PPP2R3A: variants seen among roughly 807,000 people sequenced by gnomAD.
PPP2R3A encodes serine/threonine-protein phosphatase 2A regulatory subunit B'' subunit alpha.
In PPP2R3A, 80 loss-of-function variants were observed where a neutral mutation model predicts 106.9. The observed-to-expected ratio is 0.75, with a 90% CI of 0.62 to 0.90. PPP2R3A has a LOEUF of 0.90. PPP2R3A is among the 40% of genes least tolerant of loss of function. PPP2R3A has a pLI of 0.00. For synonymous variants in PPP2R3A, 483 were observed against 468.3 expected, an observed-to-expected ratio of 1.03 and a Z score of -0.41; for missense variants, 1,386 against 1,350.4, an observed-to-expected ratio of 1.03 and a Z score of -0.41.
At chr3:136,139,830 C>A (rs1938784010) in intron 13 of PPP2R3A, among the ~76,000 whole-genome samples, 2 of 151,110 alleles carry the variant, frequency 1.3e-5, no homozygotes, top group South Asian at 2.1e-4. Flanking sequence ...ATGGTGAAAA[C>A]CCTATCTCTA....
intron 1 of PPP2R3A, among the ~76,000 whole-genome samples, chr3:135,971,957 A>G (rs973190363): frequency 6.6e-6 from 1 of 152,212 alleles, no homozygotes; most frequent in Non-Finnish European, 1.5e-5. Flanking sequence ...GGATTTGTCA[A>G]GGGTGAACTG....
rs995308451 is a variant in PPP2R3A at position 136,026,913 on chromosome 3, C to T, written c.2077C>T (p.Pro693Ser). The T allele has an allele frequency of 1.2e-6, 2 of 1,613,512 alleles. No individual in the cohort carries two copies. Among genetic ancestry groups the T allele is most frequent in the East Asian group, 4.5e-5 (2 of 44,884 alleles). Residue 693 changes from proline (P) to serine (S), a missense_variant, in exon 3 of 14, where the codon CCG (proline) becomes TCG (serine). Transcript: ENST00000264977. ...TCCAAGTAGTCCCCGACCTCTCTCC[C>T]CGGTTCCCCATGTGAATAATGTTGT... Reference protein sequence around the residue: ...TSPSSPRPLSPVPHVNNVVNA... With the variant: ...TSPSSPRPLSSVPHVNNVVNA...
chr3:136,040,160 T>C (rs1187086342), intron 3 of PPP2R3A, among the ~76,000 whole-genome samples: 1 of 152,204 alleles, frequency 6.6e-6, no homozygotes, highest in African/African-American at 2.4e-5. Flanking sequence ...CACGAAGTTA[T>C]TTTCTGCTTA....
At chr3:136,132,345 A>G (rs549859336) in intron 13 of PPP2R3A, among the ~76,000 whole-genome samples, 54 of 152,240 alleles carry the variant, frequency 3.5e-4, no homozygotes, top group African/African-American at 1.3e-3. Flanking sequence ...TTCACAGATG[A>G]TGTGACCTAC....
intron 1 of PPP2R3A, among the ~76,000 whole-genome samples, chr3:135,969,898 T>G (rs111486824): frequency 2.0e-5 from 3 of 152,344 alleles, no homozygotes; most frequent in South Asian, 2.1e-4. Context: ...AGCTCTTCTA[T>G]TTCACTACAG....
chr3:136,010,530 C>CTCCCTCG (rs1310384037), intron 2 of PPP2R3A, among the ~76,000 whole-genome samples: 79 of 147,956 alleles, frequency 5.3e-4, no homozygotes, highest in African/African-American at 1.8e-3. Context: ...GGGTTCACAC[C>CTCCCTCG]ATACTCCTGC....
At chr3:136,008,069 T>A (rs1300570558) in intron 2 of PPP2R3A, among the ~76,000 whole-genome samples, 1 of 152,250 alleles carries the variant, frequency 6.6e-6, no homozygotes, top group East Asian at 1.9e-4. Flanking sequence ...TAGTGTATAG[T>A]TTTATATGCA....
intron 1 of PPP2R3A, among the ~76,000 whole-genome samples, chr3:135,980,133 G>C (rs1937519897): frequency 6.6e-6 from 1 of 151,748 alleles, no homozygotes; most frequent in Non-Finnish European, 1.5e-5. Context: ...CAAAATGATA[G>C]GACCTTTGAG....
intron 6 of PPP2R3A, among the ~76,000 whole-genome samples, chr3:136,075,066 C>T (rs561019894): frequency 5.6e-4 from 86 of 152,262 alleles, no homozygotes; most frequent in African/African-American, 1.9e-3. Context: ...ACTTCTATGT[C>T]TGTATTTAAT....
At chr3:136,038,849 A>G (rs1348041005) in intron 3 of PPP2R3A, among the ~76,000 whole-genome samples, 2 of 152,236 alleles carry the variant, frequency 1.3e-5, no homozygotes. Flanking sequence ...AATTATGTAT[A>G]CAATAAACAA....
intron 13 of PPP2R3A, among the ~76,000 whole-genome samples, chr3:136,113,305 C>T (rs1412324282): frequency 1.3e-5 from 2 of 152,062 alleles, no homozygotes; most frequent in East Asian, 1.9e-4. Context: ...TATGGAACAC[C>T]AGTGGAACAG....
intron 13 of PPP2R3A, among the ~76,000 whole-genome samples, chr3:136,114,492 TG>T (rs1022519793): frequency 1.3e-5 from 2 of 152,310 alleles, no homozygotes; most frequent in Admixed American, 6.5e-5. Context: ...TCTGGCTCAG[TG>T]GGTCCCACCC....
At chr3:135,993,999 T>A (rs1933282531) in intron 1 of PPP2R3A, among the ~76,000 whole-genome samples, 1 of 152,212 alleles carries the variant, frequency 6.6e-6, no homozygotes, top group African/African-American at 2.4e-5. Context: ...CTGTCTTTTT[T>A]AAGGCAGTGG....
At chr3:135,975,302 GTC>G (rs1937386105) in intron 1 of PPP2R3A, among the ~76,000 whole-genome samples, 1 of 152,202 alleles carries the variant, frequency 6.6e-6, no homozygotes, top group South Asian at 2.1e-4. Flanking sequence ...TCTAGTGACA[GTC>G]TATCTAGATA....
chr3:136,071,409 T>C (rs1936426152), intron 6 of PPP2R3A, among the ~76,000 whole-genome samples: 1 of 152,252 alleles, frequency 6.6e-6, no homozygotes, highest in Admixed American at 6.5e-5. Flanking sequence ...GGCTCTCTTA[T>C]GTCAGTATAA....
At chr3:136,097,324 G>A (rs1325519212) in intron 10 of PPP2R3A, among the ~76,000 whole-genome samples, 1 of 152,162 alleles carries the variant, frequency 6.6e-6, no homozygotes, top group Non-Finnish European at 1.5e-5. Flanking sequence ...ACTTTTCAGG[G>A]ACAAGTAACT....
chr3:136,016,585 A>G (rs1934276324), intron 2 of PPP2R3A, among the ~76,000 whole-genome samples: 1 of 151,876 alleles, frequency 6.6e-6, no homozygotes, highest in African/African-American at 2.4e-5. Context: ...GTCTTTTTTA[A>G]CTGTTGTCGC....
In PPP2R3A at chr3:136,129,516, C is replaced by G. The variant is rs368528126; in HGVS notation, c.3330-15527C>G. On this transcript the variant is annotated intron_variant, in intron 13 of 13. Coordinates refer to ENST00000264977, the MANE Select transcript of PPP2R3A (RefSeq NM_002718.5). ...CCAATAACAGGCTCTGAAATTGAGG[C>G]AATAATTAATAGCCCACCAACCAAA... Among the ~76,000 whole-genome samples the G allele has an allele frequency of 9.3e-4, 142 of 152,232 alleles. 1 individual carries two copies. Among genetic ancestry groups the G allele is most frequent in the East Asian group, 4.0e-3 (21 of 5,188 alleles).
chr3:136,027,384 T>C (rs1185280299), intron 3 of PPP2R3A, among the ~76,000 whole-genome samples: 1 of 152,168 alleles, frequency 6.6e-6, no homozygotes, highest in African/African-American at 2.4e-5. Context: ...TATTGTCAAA[T>C]ACTTGTTTGT....
Sources: allele counts gnomAD v4.1 joint callset (sites outside exome capture counted in the v4.1 genomes callset), GRCh38; gene constraint gnomAD v4.1.1; transcripts MANE v1.5; gene names NCBI Gene and HGNC (gene_info 2026-07-23, HGNC 2026-07-21).